COX7A2: variants seen among roughly 807,000 people sequenced by gnomAD.
COX7A2 encodes the protein cytochrome c oxidase subunit 7A2, mitochondrial.
Under a neutral mutation model 11.6 loss-of-function variants are expected in COX7A2, and 11 were observed. That is an observed-to-expected ratio of 0.95 (90% CI 0.60 to 1.57). The LOEUF is 1.57. COX7A2 is among the 40% of genes most tolerant of loss of function. The probability of loss-of-function intolerance (pLI) is 0.00; values close to 1 mark genes in which losing one functional copy is unlikely to be tolerated. For missense variants in COX7A2, 106 were observed against 100.9 expected (o/e 1.05, Z -0.22); for synonymous variants, 30 against 38.2 (o/e 0.78, Z 0.79).
rs990393332 is a variant in COX7A2, at chr6:75,237,939, C to T, written c.243G>A (p.Lys81=). ...GCTGGGATGACTGAAGTCACTCCTG[C>T]TTCTTGGGAAATGAAGCCACAGCCA... ...YELAVASFPK[K]QE The change falls in exon 4 of 4, where the codon AAG becomes AAA. Residue 81 remains lysine (K), a synonymous_variant. Transcript: ENST00000684430. 8.7e-6 allele frequency: 14 copies of T among 1,606,462 alleles called. No homozygotes were observed. The highest frequency in any genetic ancestry group is 3.4e-6 in the Non-Finnish European group (4 of 1,175,044).
chr6:75,238,376 G>T (rs1046133627), intron 3 of COX7A2, among the ~76,000 whole-genome samples: 1 of 151,768 alleles, frequency 6.6e-6, no homozygotes, highest in Non-Finnish European at 1.5e-5. Context: ...AAAAAAGAGT[G>T]ATATAATTTT....
chr6:75,237,793 A>G lies in COX7A2; in HGVS notation c.*137T>C, dbSNP rs1771357591. ...GTGATAAAATCAGACAAAGCATGGT[A>G]AAGACTGCTTTATTGGTGGCAGTTA... On this transcript the variant is annotated 3_prime_UTR_variant, in exon 4 of 4. Transcript: ENST00000684430. 1 of 545,008 alleles carries G rather than the reference A, an allele frequency of 1.8e-6. No individual in the cohort carries two copies. The highest frequency in any genetic ancestry group is 3.0e-5 in the East Asian group (1 of 33,556). The allele number at this position is 545,008 out of a possible 1,614,324, so 33.8% of individuals were successfully genotyped here. A position where few individuals can be genotyped will look rare whatever the true frequency, so the allele number is the denominator to read the frequency against.
At chr6:75,249,468 A>G (rs1771747363) in intron 1 of COX7A2, among the ~76,000 whole-genome samples, 2 of 152,240 alleles carry the variant, frequency 1.3e-5, no homozygotes, top group South Asian at 4.1e-4. Flanking sequence ...AGTGGTAGTG[A>G]CATGACTGAA....
At chr6:75,238,123 G>A in intron 3 of COX7A2, 135 bp from the exon 4 acceptor site, 1 of 439,232 alleles carries the variant, frequency 2.3e-6, no homozygotes, top group Non-Finnish European at 3.9e-6. Context: ...ATTTTGATAG[G>A]TGCTGGAAAA....
intron 3 of COX7A2, among the ~76,000 whole-genome samples, chr6:75,239,466 G>C (rs1267510294): frequency 6.6e-6 from 1 of 152,198 alleles, no homozygotes; most frequent in Non-Finnish European, 1.5e-5. Flanking sequence ...ACATATTATA[G>C]ACTTCATGCA....
intron 3 of COX7A2, among the ~76,000 whole-genome samples, chr6:75,239,118 A>G (rs1771411578): frequency 1.3e-5 from 2 of 152,248 alleles, no homozygotes; most frequent in South Asian, 4.2e-4. Flanking sequence ...CCCAGCCTAT[A>G]CCTTTTATAA....
Position 75,237,890 on chromosome 6 carries a change from T to G in COX7A2, c.*40A>C. The G allele has an allele frequency of 6.6e-7, 1 of 1,526,034 alleles. No homozygotes were observed. Among genetic ancestry groups the G allele is most frequent in the Admixed American group, 1.7e-5 (1 of 59,384 alleles). The allele number at this position is 1,526,034 out of a possible 1,614,324, so 94.5% of individuals were successfully genotyped here. A position where few individuals can be genotyped will look rare whatever the true frequency, so the allele number is the denominator to read the frequency against. On this transcript the variant is annotated 3_prime_UTR_variant, in exon 4 of 4. Transcript: ENST00000684430. ...ATCAGATTACTGGTCCATAGAGAGC[T>G]GAATGAAACTGAACCAAGCGATTGC...
At chr6:75,240,553 A>G in intron 2 of COX7A2, 168 bp from the exon 3 acceptor site, 1 of 494,678 alleles carries the variant, frequency 2.0e-6, no homozygotes, top group Non-Finnish European at 3.5e-6. Flanking sequence ...TTCCGTCTCT[A>G]CTACTACTAC....
chr6:75,245,281 G>A (rs1254480208), upstream of COX7A2, among the ~76,000 whole-genome samples: 1 of 152,202 alleles, frequency 6.6e-6, no homozygotes, highest in Non-Finnish European at 1.5e-5. Context: ...CATGAGGTCA[G>A]GAGATCCAGA....
chr6:75,241,480 A>G (rs1006072137), intron 1 of COX7A2, among the ~76,000 whole-genome samples: 4 of 152,242 alleles, frequency 2.6e-5, no homozygotes, highest in African/African-American at 9.6e-5. Flanking sequence ...TAACATATTC[A>G]AGAAGCAATT....
At chr6:75,245,923 T>A (rs1771671512), upstream of COX7A2, among the ~76,000 whole-genome samples, 1 of 152,252 alleles carries the variant, frequency 6.6e-6, no homozygotes, top group Non-Finnish European at 1.5e-5. Context: ...AAGCATGGTC[T>A]TAAAGTGGCT....
At chr6:75,243,930 G>T (rs1258939892), upstream of COX7A2, 1 of 1,042,486 alleles carries the variant, frequency 9.6e-7, no homozygotes, top group African/African-American at 1.6e-5. Context: ...ATCCGCTCTA[G>T]CCGGCTCGCC....
At chr6:75,242,331 C>A (rs926072651) in intron 1 of COX7A2, among the ~76,000 whole-genome samples, 1 of 152,068 alleles carries the variant, frequency 6.6e-6, no homozygotes, top group Non-Finnish European at 1.5e-5. Context: ...CATGGCGAAA[C>A]CCCGTCTCTA....
At chr6:75,245,812 C>G (rs1263714623), upstream of COX7A2, among the ~76,000 whole-genome samples, 5 of 152,184 alleles carry the variant, frequency 3.3e-5, no homozygotes, top group Non-Finnish European at 7.3e-5. Context: ...CCTTCTCCAT[C>G]TATTAGCAGC....
chr6:75,244,138 G>T (rs1031982452), upstream of COX7A2: 4 of 237,756 alleles, frequency 1.7e-5, no homozygotes, highest in South Asian at 2.1e-4. Flanking sequence ...CCTTGAAGCC[G>T]CTAGAAACTG....
intron 3 of COX7A2, among the ~76,000 whole-genome samples, chr6:75,239,093 G>C (rs1318221770): frequency 6.6e-6 from 1 of 152,182 alleles, no homozygotes; most frequent in Non-Finnish European, 1.5e-5. Flanking sequence ...GGGATTACAG[G>C]CATGAGCCAC....
rs750678578 is a variant in COX7A2, at chr6:75,241,240, G to A, written c.44C>T (p.Thr15Met). The A allele has an allele frequency of 5.7e-6, 9 of 1,574,734 alleles. No homozygotes were observed. The highest frequency in any genetic ancestry group is 3.3e-5 in the Admixed American group (2 of 59,718). Reference protein sequence around the residue: ...LLALRQIGQRTISTASRRHFK... With the variant: ...LLALRQIGQRMISTASRRHFK... The stretch of plus-strand genomic sequence containing the variant: ...ATGCCTGCGGGAAGCAGTGCTTATC[G>A]TCCTCTGCCCAATCTGACGAAGAGC... Residue 15 changes from threonine to methionine, a missense_variant, in exon 2 of 4, where the codon ACG becomes ATG. Coordinates refer to ENST00000684430, the MANE Select transcript of COX7A2 (RefSeq NM_001366293.2).
upstream of COX7A2, among the ~76,000 whole-genome samples, chr6:75,247,769 A>T (rs1229155923): frequency 1.3e-5 from 2 of 152,094 alleles, no homozygotes; most frequent in Non-Finnish European, 2.9e-5. Flanking sequence ...TTCTCATCAG[A>T]TGGGTTTTAT....
In COX7A2 at chr6:75,241,341, T is replaced by C. The variant is rs760683912; in HGVS notation, c.19-76A>G. The C allele has an allele frequency of 1.1e-5, 14 of 1,290,678 alleles. No individual in the cohort carries two copies. The Middle Eastern group carries it at 7.4e-4, about 68-fold the overall frequency. The allele number at this position is 1,290,678 out of a possible 1,614,324, so 80.0% of individuals were successfully genotyped here. ...AACCAACTATTTTCAGTCGTTCATA[T>C]TATAGAAAAGGTAAATTGAGACTTG... On this transcript the variant is annotated intron_variant, in intron 1 of 3. Coordinates refer to ENST00000684430, the MANE Select transcript of COX7A2 (RefSeq NM_001366293.2).
Sources: gnomAD v4.1 joint callset for allele counts (sites outside exome capture counted in the v4.1 genomes callset) on GRCh38, gnomAD v4.1.1 for gene constraint, MANE v1.5 for transcripts, NCBI Gene and HGNC (gene_info 2026-07-23, HGNC 2026-07-21) for gene names.